The following CAPN9 variants were observed in gnomAD, a reference collection of about 807,000 sequenced individuals.
The protein encoded by CAPN9 is calpain 9.
Under a neutral mutation model 92.8 loss-of-function variants are expected in CAPN9, and 81 were observed. The observed-to-expected ratio is 0.87, with a 90% CI of 0.73 to 1.05. CAPN9 has a LOEUF of 1.05. Among genes scored for constraint, CAPN9 ranks in the 50% least tolerant of loss-of-function variants. CAPN9 has a pLI of 0.00. For missense variants in CAPN9, 848 were observed against 866.2 expected (o/e 0.98, Z 0.26); for synonymous variants, 304 against 328.0 (o/e 0.93, Z 0.79).
intron 6 of CAPN9, among the ~76,000 whole-genome samples, chr1:230,770,362 C>T (rs1666312004): frequency 6.6e-6 from 1 of 152,194 alleles, no homozygotes; most frequent in South Asian, 2.1e-4. Flanking sequence ...CAGGTCTTCA[C>T]AGATGAGATG....
intron 12 of CAPN9, 41 bp from the exon 13 acceptor site, chr1:230,787,481 T>C (rs1267945329): frequency 1.3e-6 from 2 of 1,558,978 alleles, no homozygotes; most frequent in East Asian, 2.2e-5. Context: ...TGTTTCTTTT[T>C]TGTGGATCAT....
rs56286310 is a variant in CAPN9 at position 230,765,212 on chromosome 1, GACACACACACACACACACACACACAC to G, written c.537-2307_537-2282del. On this transcript the variant is annotated intron_variant, in intron 4 of 19. Coordinates refer to ENST00000271971, the MANE Select transcript of CAPN9 (RefSeq NM_006615.3). ...TGCCAGAAAATGAGAACACATGCAA[GACACACACACACACACACACACACAC>G]ACACACACACACACACACACAAATG... 1.2e-4 allele frequency among the ~76,000 whole-genome samples: 16 copies of G among 132,152 alleles called. No homozygotes were observed. The South Asian group carries it at 3.9e-3, about 32-fold the overall frequency. 86.7% of individuals were successfully genotyped at this position (132,152 alleles called of 152,430 possible). A position where few individuals can be genotyped will look rare whatever the true frequency, so the allele number is the denominator to read the frequency against.
At chr1:230,749,409 A>T (rs1246451593) in intron 1 of CAPN9, among the ~76,000 whole-genome samples, 2 of 152,230 alleles carry the variant, frequency 1.3e-5, no homozygotes, top group Non-Finnish European at 2.9e-5. Flanking sequence ...GCCCACGACC[A>T]TTAGGTCTCC....
chr1:230,780,951 C>T (rs1268154571), intron 11 of CAPN9, among the ~76,000 whole-genome samples: 2 of 151,992 alleles, frequency 1.3e-5, no homozygotes. Flanking sequence ...CTGCAACCTC[C>T]ACCTCCCAGG....
chr1:230,792,336 C>A, intron 15 of CAPN9, 90 bp from the exon 16 acceptor site: 1 of 1,086,716 alleles, frequency 9.2e-7, no homozygotes, highest in Non-Finnish European at 1.4e-6. Flanking sequence ...AGCCCATCGG[C>A]CCTCCCCCTC....
intron 1 of CAPN9, among the ~76,000 whole-genome samples, chr1:230,748,388 C>T (rs1227113720): frequency 2.6e-5 from 4 of 152,168 alleles, no homozygotes; most frequent in African/African-American, 9.7e-5. Context: ...GACCCGGCGC[C>T]AGCTGGGCTG....
intron 4 of CAPN9, among the ~76,000 whole-genome samples, chr1:230,765,074 G>A (rs1191691707): frequency 6.6e-6 from 1 of 152,018 alleles, no homozygotes; most frequent in East Asian, 1.9e-4. Flanking sequence ...AAAGGAACTG[G>A]GGCTTCTTGG....
intron 3 of CAPN9, among the ~76,000 whole-genome samples, chr1:230,761,187 C>A (rs1665610699): frequency 1.3e-5 from 2 of 152,152 alleles, no homozygotes; most frequent in Admixed American, 1.3e-4. Context: ...AATAACAATA[C>A]TCCGCCCGCT....
chr1:230,757,692 G>A lies in CAPN9; in HGVS notation c.284-1820G>A, dbSNP rs1665330227. Reference sequence around the variant, plus strand: ...AGCCCAGGAGTTTTAGACTAGCCTGGGCAACATAGCAAGACCACATCTCTA... The same window carrying A: ...AGCCCAGGAGTTTTAGACTAGCCTGAGCAACATAGCAAGACCACATCTCTA... On this transcript the variant is annotated intron_variant, in intron 2 of 19. Transcript: ENST00000271971. Among the ~76,000 whole-genome samples the A allele has an allele frequency of 3.7e-5, 5 of 135,852 alleles. No homozygotes were observed. In the South Asian group the frequency reaches 1.2e-3, roughly 33 times the overall value. The allele number at this position is 135,852 out of a possible 152,430, so 89.1% of individuals were successfully genotyped here.
rs1468310121 is a variant in CAPN9 at position 230,796,740 on chromosome 1, T to G, written c.1988-1422T>G. On this transcript the variant is annotated intron_variant, in intron 18 of 19. Coordinates refer to ENST00000271971, the MANE Select transcript of CAPN9 (RefSeq NM_006615.3). ...TGGTCAGAGCTGACCCTAGAAATAA[T>G]GAGATTTGCTAGTTTCTCTTCTCTC... Among the ~76,000 whole-genome samples the G allele has an allele frequency of 1.3e-5, 2 of 152,066 alleles. 1 individual carries two copies. The highest frequency in any genetic ancestry group is 2.9e-5 in the Non-Finnish European group (2 of 67,990).
intron 17 of CAPN9, among the ~76,000 whole-genome samples, chr1:230,793,798 G>T (rs1250036598): frequency 6.6e-6 from 1 of 152,222 alleles, no homozygotes; most frequent in African/African-American, 2.4e-5. Context: ...AAAGTGCCAG[G>T]CTGAGAAGGG....
rs746333029 is a variant in CAPN9 at position 230,769,250 on chromosome 1, C to T, written c.776C>T (p.Thr259Met). 12 of 1,613,396 alleles carry T rather than the reference C, an allele frequency of 7.4e-6. No homozygotes were observed. The East Asian group carries it at 2.2e-4, about 30-fold the overall frequency. Residue 259 changes from threonine to methionine, a missense_variant, in exon 6 of 20, where the codon ACG becomes ATG. By Grantham distance (81) the Thr-to-Met change is moderately conservative. Coordinates refer to ENST00000271971, the MANE Select transcript of CAPN9 (RefSeq NM_006615.3). Reference sequence around the variant, plus strand: ...ATTAAGGGTCATGCCTACAGTGTAACGGGAATTGACCAGGTAGGCGACTTG... The same window carrying T: ...ATTAAGGGTCATGCCTACAGTGTAATGGGAATTGACCAGGTAGGCGACTTG... ...GLIKGHAYSV[T>M]GIDQVSFRGQ...
rs1053548060 is a variant in CAPN9, at chr1:230,785,897, C to T, written c.1482-84C>T. ...AAGGGATTCAAAGGGACAGAACCTT[C>T]CCAGGCTCTGGGCTCTTCAGCTCTG... On this transcript the variant is annotated intron_variant, in intron 11 of 19. Transcript: ENST00000271971. 3.7e-6 allele frequency: 5 copies of T among 1,336,868 alleles called. No homozygotes were observed. In the African/African-American group the frequency reaches 7.2e-5, roughly 19 times the overall value. The allele number at this position is 1,336,868 out of a possible 1,614,324, so 82.8% of individuals were successfully genotyped here.
intron 14 of CAPN9, 50 bp downstream of exon 14, chr1:230,790,239 G>A (rs768333850): frequency 6.2e-7 from 1 of 1,608,104 alleles, no homozygotes; most frequent in Admixed American, 1.7e-5. Context: ...AGGGACAAGC[G>A]ACCACACTGC....
intron 18 of CAPN9, among the ~76,000 whole-genome samples, chr1:230,796,318 C>T (rs1668352417): frequency 6.9e-6 from 1 of 145,836 alleles, no homozygotes; most frequent in Admixed American, 6.9e-5. Flanking sequence ...TGGGAGACTC[C>T]ATCTCAAAAA....
At chr1:230,752,748 C>T in intron 1 of CAPN9, 1 of 970,802 alleles carries the variant, frequency 1.0e-6, no homozygotes. Context: ...GGGGGCATTG[C>T]TTGCCAGGGC....
Position 230,786,030 on chromosome 1 carries a change from A to G in CAPN9, c.1518+13A>G, listed in dbSNP as rs1213297705. On this transcript the variant is annotated intron_variant, in intron 12 of 19. Transcript: ENST00000271971. ...TGACCTTCCTGAGGTGAGTCTTCTG[A>G]TGTTGCTATGGAGTATGGGATTCAG... 6.2e-7 allele frequency: 1 copy of G among 1,613,224 alleles called. No individual in the cohort carries two copies. Among genetic ancestry groups the G allele is most frequent in the Admixed American group, 1.7e-5 (1 of 59,994 alleles).
At chr1:230,748,432 G>A (rs368975555) in intron 1 of CAPN9, among the ~76,000 whole-genome samples, 3 of 152,314 alleles carry the variant, frequency 2.0e-5, no homozygotes, top group South Asian at 4.1e-4. Flanking sequence ...ACGGGCCTGG[G>A]AGTGGCTCCT....
chr1:230,784,723 CAG>C (rs1488215263), intron 11 of CAPN9, among the ~76,000 whole-genome samples: 1 of 152,268 alleles, frequency 6.6e-6, no homozygotes, highest in Admixed American at 6.5e-5. Flanking sequence ...GCTGCAGGGA[CAG>C]AGCCCTCACA....
Sources: gnomAD v4.1 joint callset for allele counts (sites outside exome capture counted in the v4.1 genomes callset) on GRCh38, gnomAD v4.1.1 for gene constraint, MANE v1.5 for transcripts, NCBI Gene and HGNC (gene_info 2026-07-23, HGNC 2026-07-21) for gene names.